CPNE8: variants seen among roughly 807,000 people sequenced by gnomAD.
CPNE8 encodes copine 8, also known as copine-8.
In CPNE8, 45 loss-of-function variants were observed where a neutral mutation model predicts 81.5. The observed-to-expected ratio is 0.55, with a 90% CI of 0.44 to 0.71. The LOEUF is 0.71. Ranked by LOEUF, CPNE8 falls within the 30% of genes least tolerant of loss-of-function variation. CPNE8 has a pLI of 0.00. For synonymous variants in CPNE8, 252 were observed against 226.3 expected (o/e 1.11, Z -1.02); for missense variants, 594 against 672.1 (o/e 0.88, Z 1.28).
intron 13 of CPNE8, among the ~76,000 whole-genome samples, chr12:38,712,727 A>G (rs1168808447): frequency 6.6e-6 from 1 of 152,174 alleles, no homozygotes; most frequent in Admixed American, 6.5e-5. Context: ...ATTTTTTTCA[A>G]ACAAGTTTTA....
At chr12:38,825,115 C>T (rs761761922) in intron 6 of CPNE8, among the ~76,000 whole-genome samples, 3 of 152,138 alleles carry the variant, frequency 2.0e-5, no homozygotes, top group Admixed American at 6.5e-5. Flanking sequence ...GTGAATTTCT[C>T]GGCTATTTCG....
chr12:38,718,016 T>A (rs1242920991), intron 13 of CPNE8, among the ~76,000 whole-genome samples: 1 of 152,048 alleles, frequency 6.6e-6, no homozygotes, highest in Non-Finnish European at 1.5e-5. Flanking sequence ...ATCATACTTA[T>A]TATGTATTAT....
intron 15 of CPNE8, among the ~76,000 whole-genome samples, chr12:38,689,089 T>C (rs1307702781): frequency 6.6e-6 from 1 of 152,176 alleles, no homozygotes; most frequent in Non-Finnish European, 1.5e-5. Flanking sequence ...AAACACAGGA[T>C]TTTTTAAAAA....
intron 19 of CPNE8, among the ~76,000 whole-genome samples, chr12:38,669,509 A>T (rs1282694418): frequency 1.3e-5 from 2 of 152,222 alleles, no homozygotes; most frequent in Non-Finnish European, 2.9e-5. Context: ...AAGTTATCAT[A>T]GTGGAAAAGT....
At chr12:38,905,023 G>T (rs969207340) in intron 1 of CPNE8, among the ~76,000 whole-genome samples, 1 of 152,152 alleles carries the variant, frequency 6.6e-6, no homozygotes, top group Non-Finnish European at 1.5e-5. Flanking sequence ...GTTTGCACAC[G>T]CCTAGCAGAG....
Position 38,848,587 on chromosome 12 carries a change from CA to C in CPNE8, c.261del (p.Phe87LeufsTer49). 1.3e-6 allele frequency: 2 copies of C among 1,583,846 alleles called. No individual in the cohort carries two copies. Among genetic ancestry groups the C allele is most frequent in the East Asian group, 2.3e-5 (1 of 44,140 alleles). Reference sequence around the variant, plus strand: ...TCAAAACGAAGATTCTCTCTTTCTTCAAAAAAGTAGTCCAGAATAAACTTTC... The same window carrying C: ...TCAAAACGAAGATTCTCTCTTTCTTCAAAAAGTAGTCCAGAATAAACTTTC... ...FVRKFILDYF[F>X]EERENLRFDL... On this transcript the variant is annotated frameshift_variant, in exon 4 of 20. Transcript: ENST00000331366. LOFTEE classifies it high-confidence loss of function.
chr12:38,835,292 C>A (rs931015996), intron 5 of CPNE8, among the ~76,000 whole-genome samples: 1 of 152,070 alleles, frequency 6.6e-6, no homozygotes, highest in Admixed American at 6.5e-5. Flanking sequence ...AAATATACAC[C>A]CAAGGTGATA....
chr12:38,743,408 T>C (rs969719515), intron 10 of CPNE8, among the ~76,000 whole-genome samples: 1 of 152,238 alleles, frequency 6.6e-6, no homozygotes, highest in South Asian at 2.1e-4. Flanking sequence ...AATCTTAATG[T>C]AGACTATATT....
chr12:38,713,974 T>C lies in CPNE8; in HGVS notation c.914+9798A>G, dbSNP rs566399124. On this transcript the variant is annotated intron_variant, in intron 13 of 19. Coordinates refer to ENST00000331366, the MANE Select transcript of CPNE8 (RefSeq NM_153634.3). ...GGTGTGCAACAAAATTTGTGATCTG[T>C]TTTCCCCCTTCATCTGCCAATCAAA... 1.3e-4 allele frequency among the ~76,000 whole-genome samples: 20 copies of C among 152,246 alleles called. No homozygotes were observed. The South Asian group carries it at 3.7e-3, about 28-fold the overall frequency.
intron 16 of CPNE8, among the ~76,000 whole-genome samples, chr12:38,683,027 C>CA (rs964442531): frequency 4.7e-4 from 71 of 151,212 alleles, no homozygotes; most frequent in African/African-American, 1.5e-3. Context: ...TGGAAAGCCT[C>CA]AAAAAAAAGC....
In CPNE8 at chr12:38,730,273, T is replaced by C. The variant is rs1215014984; in HGVS notation, c.798+10A>G. Reference sequence around the variant, plus strand: ...AGAAAAAAACAATGGTAAAATAAAATGCCTCTTACCTCATATACGTTGAAT... The same window carrying C: ...AGAAAAAAACAATGGTAAAATAAAACGCCTCTTACCTCATATACGTTGAAT... On this transcript the variant is annotated intron_variant, in intron 11 of 19. Coordinates refer to ENST00000331366, the MANE Select transcript of CPNE8 (RefSeq NM_153634.3). 2.0e-6 allele frequency: 3 copies of C among 1,489,924 alleles called. No homozygotes were observed. The highest frequency in any genetic ancestry group is 1.4e-5 in the African/African-American group (1 of 72,126). The allele number at this position is 1,489,924 out of a possible 1,614,324, so 92.3% of individuals were successfully genotyped here.
At chr12:38,830,956 C>T (rs963849936) in intron 5 of CPNE8, among the ~76,000 whole-genome samples, 1 of 151,366 alleles carries the variant, frequency 6.6e-6, no homozygotes, top group Non-Finnish European at 1.5e-5. Context: ...AAAAAGCTTA[C>T]CAAGCCACAA....
intron 13 of CPNE8, among the ~76,000 whole-genome samples, chr12:38,705,103 C>A (rs989848729): frequency 6.6e-6 from 1 of 151,328 alleles, no homozygotes; most frequent in African/African-American, 2.4e-5. Context: ...ATCTAATCTA[C>A]AAAATAATTT....
intron 1 of CPNE8, among the ~76,000 whole-genome samples, chr12:38,891,816 C>T (rs1423706737): frequency 6.6e-6 from 1 of 152,240 alleles, no homozygotes; most frequent in Non-Finnish European, 1.5e-5. Flanking sequence ...TAGATGTCCA[C>T]ATTCATTCTT....
At chr12:38,861,226 T>C (rs909733034) in intron 3 of CPNE8, among the ~76,000 whole-genome samples, 4 of 152,080 alleles carry the variant, frequency 2.6e-5, no homozygotes, top group African/African-American at 9.7e-5. Context: ...TGCCACTGGC[T>C]GGGCGGGGGA....
chr12:38,873,253 G>T (rs1030603120), intron 2 of CPNE8, among the ~76,000 whole-genome samples: 1 of 151,836 alleles, frequency 6.6e-6, no homozygotes, highest in East Asian at 1.9e-4. Flanking sequence ...AAACTGTTAT[G>T]CCAGATCTTT....
intron 6 of CPNE8, among the ~76,000 whole-genome samples, chr12:38,799,794 G>A (rs1379088686): frequency 7.1e-6 from 1 of 141,240 alleles, no homozygotes; most frequent in African/African-American, 2.4e-5. Flanking sequence ...AGGCCAGTGT[G>A]TGCGCGCACC....
intron 6 of CPNE8, among the ~76,000 whole-genome samples, chr12:38,797,587 C>T (rs2136947580): frequency 6.6e-6 from 1 of 152,174 alleles, no homozygotes; most frequent in Non-Finnish European, 1.5e-5. Context: ...GATAAAACCA[C>T]AAAGATGGGG....
chr12:38,692,511 T>C (rs1056624573), intron 15 of CPNE8, among the ~76,000 whole-genome samples: 2 of 152,158 alleles, frequency 1.3e-5, no homozygotes, highest in Admixed American at 6.5e-5. Context: ...GAGTATCTTA[T>C]TGAGTTCAAA....
Sources: gnomAD v4.1 joint callset for allele counts (sites outside exome capture counted in the v4.1 genomes callset) on GRCh38, gnomAD v4.1.1 for gene constraint, MANE v1.5 for transcripts, NCBI Gene and HGNC (gene_info 2026-07-23, HGNC 2026-07-21) for gene names.